Variants in LRP5 observed in about 807,000 individuals in gnomAD.
LRP5 encodes the protein low-density lipoprotein receptor-related protein 5.
A neutral mutation model predicts 154.1 loss-of-function variants in LRP5; 62 were observed. The ratio of observed to expected loss-of-function variants is 0.40; its 90% CI spans 0.33 to 0.50. The LOEUF is 0.50. LRP5 is among the 20% of genes least tolerant of loss of function. The pLI, the probability that LRP5 is intolerant of heterozygous loss-of-function variation, is 0.55. For synonymous variants in LRP5, 966 were observed against 1,011.5 expected (o/e 0.96, Z 0.85); for missense variants, 1,915 against 2,336.7 (o/e 0.82, Z 3.72).
rs530744658 is a variant in LRP5 at position 68,388,269 on chromosome 11, C to T, written c.1412+1557C>T. Reference sequence around the variant, plus strand: ...GTTGCCAGCTACAGTGAAGGGAACACGGCCCTGAGGTCAGGAGCTTGGTCA... The same window carrying T: ...GTTGCCAGCTACAGTGAAGGGAACATGGCCCTGAGGTCAGGAGCTTGGTCA... On this transcript the variant is annotated intron_variant, in intron 6 of 22. Transcript: ENST00000294304. 3.3e-5 allele frequency among the ~76,000 whole-genome samples: 5 copies of T among 152,146 alleles called. No individual in the cohort carries two copies. In the South Asian group the frequency reaches 6.2e-4, roughly 19 times the overall value.
chr11:68,419,621 C>G (rs775711694), intron 13 of LRP5, among the ~76,000 whole-genome samples: 3 of 151,364 alleles, frequency 2.0e-5, no homozygotes, highest in Non-Finnish European at 4.4e-5. Context: ...CTCACTGCAA[C>G]CTCTGCCTCC....
chr11:68,376,195 T>C (rs1591248179), intron 5 of LRP5, among the ~76,000 whole-genome samples: 1 of 102,226 alleles, frequency 9.8e-6, no homozygotes, highest in African/African-American at 3.4e-5. Flanking sequence ...TTTTTTTTTT[T>C]AATTGAGACA....
Position 68,312,649 on chromosome 11 carries a change from A to AGCC in LRP5, c.-54_-52dup, listed in dbSNP as rs1216496440. 2.4e-5 allele frequency: 18 copies of AGCC among 739,412 alleles called. No individual in the cohort carries two copies. In the East Asian group the frequency reaches 7.7e-4, roughly 32 times the overall value. The allele number at this position is 739,412 out of a possible 1,614,324, so 45.8% of individuals were successfully genotyped here. ...CGGAGGCGCCGGGAGCCGCGCGAGG[A>AGCC]GCCGCCGCCGCCGCGCCATGGAGCC... On this transcript the variant is annotated 5_prime_UTR_variant, in exon 1 of 23. Coordinates refer to ENST00000294304, the MANE Select transcript of LRP5 (RefSeq NM_002335.4).
Position 68,425,987 on chromosome 11 carries a change from G to T in LRP5, c.3437G>T (p.Arg1146Leu). Reference protein sequence around the residue: ...IESCDLSGANRLTLEDANIVQ... With the variant: ...IESCDLSGANLLTLEDANIVQ... ...CACGGGCTGCTTGCAGGGGCCAACCGCCTGACCCTGGAGGACGCCAACATC... is the reference window on the plus strand; with the variant it reads ...CACGGGCTGCTTGCAGGGGCCAACCTCCTGACCCTGGAGGACGCCAACATC... Residue 1146 changes from arginine to leucine, a missense_variant, in exon 16 of 23, where the codon CGC (arginine) becomes CTC (leucine). This residue lies in a region of LRP5 where 1,094 missense variants were observed against 1,210.1 expected (regional missense o/e 0.90). Transcript: ENST00000294304. 1.2e-6 allele frequency: 2 copies of T among 1,611,302 alleles called. No individual in the cohort carries two copies.
At chr11:68,397,426 C>T (rs1037244557) in intron 7 of LRP5, among the ~76,000 whole-genome samples, 4 of 152,194 alleles carry the variant, frequency 2.6e-5, no homozygotes, top group Non-Finnish European at 4.4e-5. Context: ...AGCCCTCTCC[C>T]GAACCCCAGC....
chr11:68,301,208 A>G, the LRP5 span, among the ~76,000 whole-genome samples: 1 of 149,696 alleles, frequency 6.7e-6, no homozygotes, highest in African/African-American at 2.4e-5. Context: ...TTGAGATTAC[A>G]GATGTGAGCC....
At chr11:68,408,633 T>A (rs560943271) in intron 9 of LRP5, among the ~76,000 whole-genome samples, 68 of 152,282 alleles carry the variant, frequency 4.5e-4, no homozygotes, top group African/African-American at 1.5e-3. Flanking sequence ...TTTTTTCACT[T>A]GACATTACAA....
chr11:68,395,347 T>TG (rs372387872), intron 7 of LRP5, among the ~76,000 whole-genome samples: 310 of 131,812 alleles, frequency 2.4e-3, no homozygotes, highest in Admixed American at 3.2e-3. Context: ...GGAATTGAAG[T>TG]GGGGGGGCGT....
upstream of LRP5, among the ~76,000 whole-genome samples, chr11:68,308,068 G>A (rs1228483391): frequency 6.6e-6 from 1 of 152,204 alleles, no homozygotes; most frequent in Non-Finnish European, 1.5e-5. Context: ...GGCCTTCCCT[G>A]GCCTGCTCCT....
At chr11:68,345,533 C>T (rs901272091) in intron 1 of LRP5, among the ~76,000 whole-genome samples, 2 of 152,020 alleles carry the variant, frequency 1.3e-5, no homozygotes, top group South Asian at 2.1e-4. Flanking sequence ...GTGATCCACC[C>T]GCCTCAGCCT....
chr11:68,356,209 A>G (rs1185547069), intron 2 of LRP5, among the ~76,000 whole-genome samples: 1 of 144,840 alleles, frequency 6.9e-6, no homozygotes, highest in Non-Finnish European at 1.5e-5. Flanking sequence ...TGGTACAGTC[A>G]CAGCTCACTG....
At chr11:68,337,229 A>G (rs927900676) in intron 1 of LRP5, among the ~76,000 whole-genome samples, 1 of 152,182 alleles carries the variant, frequency 6.6e-6, no homozygotes, top group Non-Finnish European at 1.5e-5. Flanking sequence ...CGGGGTGGAC[A>G]GTTAGACCAA....
rs967489893 is a variant in LRP5 at position 68,413,056 on chromosome 11, C to T, written c.2504-633C>T. The T allele has an allele frequency of 3.8e-5, 7 of 185,376 alleles. No homozygotes were observed. The highest frequency in any genetic ancestry group is 1.2e-4 in the Admixed American group (2 of 16,934). 11.5% of individuals were successfully genotyped at this position (185,376 alleles called of 1,614,324 possible). On this transcript the variant is annotated intron_variant, in intron 11 of 22. Coordinates refer to ENST00000294304, the MANE Select transcript of LRP5 (RefSeq NM_002335.4). This position sits in a 1 kb window ranked among gnomAD's most constrained non-coding sequence, Gnocchi z 5.1. ...TGTGAGGCCAGTAGCAAGGTTTGCA[C>T]GTGACTTCGTGACCGTCACCCAGCT...
chr11:68,312,363 C>T (rs1425807775), upstream of LRP5, among the ~76,000 whole-genome samples: 1 of 151,672 alleles, frequency 6.6e-6, no homozygotes, highest in East Asian at 2.0e-4. Context: ...CGCCGGGCCC[C>T]GCGGGGCGGA....
intron 2 of LRP5, among the ~76,000 whole-genome samples, chr11:68,354,765 C>T (rs956581995): frequency 6.6e-6 from 1 of 152,208 alleles, no homozygotes; most frequent in Non-Finnish European, 1.5e-5. Flanking sequence ...TGGAACAGGC[C>T]AGCCTTTCGG....
chr11:68,416,508 C>A lies in LRP5; in HGVS notation c.3008C>A (p.Ala1003Asp). The A allele has an allele frequency of 6.2e-7, 1 of 1,613,898 alleles. No homozygotes were observed. The highest frequency in any genetic ancestry group is 8.5e-7 in the Non-Finnish European group (1 of 1,180,028). Residue 1003 changes from alanine to aspartate, a missense_variant, in exon 13 of 23, where the codon GCC (alanine) becomes GAC (aspartate). This residue lies in a region of LRP5 where 1,094 missense variants were observed against 1,210.1 expected (regional missense o/e 0.90). Transcript: ENST00000294304. ...WVDGRQNIKR[A>D]KDDGTQPFVL... ...GATGGGCGCCAGAACATCAAGCGAGCCAAGGACGACGGGACCCAGGCAGGT... is the reference window on the plus strand; with the variant it reads ...GATGGGCGCCAGAACATCAAGCGAGACAAGGACGACGGGACCCAGGCAGGT...
intron 1 of LRP5, among the ~76,000 whole-genome samples, chr11:68,329,767 C>G (rs1279984396): frequency 6.6e-6 from 1 of 152,204 alleles, no homozygotes; most frequent in Non-Finnish European, 1.5e-5. Context: ...CATCAGCGCC[C>G]CACTGACTGA....
At chr11:68,404,118 C>T (rs1378310502) in intron 8 of LRP5, 8 of 424,856 alleles carry the variant, frequency 1.9e-5, no homozygotes, top group Non-Finnish European at 3.6e-5. Context: ...TGCTTGTTGC[C>T]CCTGTGGCCC....
At chr11:68,388,883 G>A (rs558496696) in intron 6 of LRP5, among the ~76,000 whole-genome samples, 4 of 152,278 alleles carry the variant, frequency 2.6e-5, no homozygotes, top group Admixed American at 1.3e-4. Context: ...TGGGCTTGCC[G>A]CTGGCATGCT....
Sources: allele counts gnomAD v4.1 joint callset (sites outside exome capture counted in the v4.1 genomes callset), GRCh38; gene constraint gnomAD v4.1.1; regional missense constraint gnomAD v4.1.1; non-coding constraint Gnocchi (gnomAD v3.1); transcripts MANE v1.5; gene names NCBI Gene and HGNC (gene_info 2026-07-23, HGNC 2026-07-21).